The following LGR6 variants were observed in gnomAD, a reference collection of about 807,000 sequenced individuals.
LGR6 encodes leucine rich repeat containing G protein-coupled receptor 6.
Under a neutral mutation model 69.4 loss-of-function variants are expected in LGR6, and 45 were observed. The ratio of observed to expected loss-of-function variants is 0.65; its 90% confidence interval spans 0.51 to 0.83. LGR6 has a LOEUF of 0.83. Ranked by LOEUF, LGR6 falls within the 40% of genes least tolerant of loss-of-function variation. The pLI, the probability that LGR6 is intolerant of heterozygous loss-of-function variation, is 0.00. For synonymous variants in LGR6, 538 were observed against 555.0 expected (o/e 0.97, Z 0.43); for missense variants, 1,108 against 1,246.7 (o/e 0.89, Z 1.68).
chr1:202,264,158 T>C (rs1203197505), intron 4 of LGR6, among the ~76,000 whole-genome samples: 1 of 151,934 alleles, frequency 6.6e-6, no homozygotes, highest in South Asian at 2.1e-4. Context: ...GCCTGGGAGC[T>C]CTTGGGAATG....
chr1:202,215,920 CA>C (rs35567242), intron 1 of LGR6, among the ~76,000 whole-genome samples: 12,515 of 151,912 alleles, frequency 0.082, 694 homozygotes, highest in African/African-American at 0.14. Flanking sequence ...AGATCAGAGT[CA>C]AAAGGCCAAA....
intron 1 of LGR6, chr1:202,214,110 G>C: frequency 7.0e-7 from 1 of 1,430,484 alleles, no homozygotes; most frequent in Non-Finnish European, 9.1e-7. Flanking sequence ...GGAGGGTGGC[G>C]GGCACTGGAC....
chr1:202,316,703 TC>T (rs1329459529), intron 17 of LGR6, among the ~76,000 whole-genome samples: 5 of 152,178 alleles, frequency 3.3e-5, no homozygotes, highest in Non-Finnish European at 5.9e-5. Context: ...TTTCAAATTT[TC>T]TACAGTTATC....
intron 17 of LGR6, among the ~76,000 whole-genome samples, chr1:202,317,729 G>A (rs1654255714): frequency 6.6e-6 from 1 of 152,284 alleles, no homozygotes; most frequent in South Asian, 2.1e-4. Flanking sequence ...AGTCGTGTAT[G>A]TCCCACAGCT....
intron 9 of LGR6, among the ~76,000 whole-genome samples, chr1:202,301,723 A>C (rs1156917365): frequency 1.3e-5 from 2 of 152,138 alleles, no homozygotes; most frequent in Non-Finnish European, 2.9e-5. Context: ...CTTCTTCAAA[A>C]AGCTTCCATG....
intron 4 of LGR6, among the ~76,000 whole-genome samples, chr1:202,248,482 C>G (rs1246198662): frequency 3.9e-5 from 6 of 152,222 alleles, no homozygotes; most frequent in Non-Finnish European, 8.8e-5. Flanking sequence ...GCTTCCCTCC[C>G]CTCACCACCC....
At chr1:202,291,937 C>T (rs1367890374) in intron 6 of LGR6, among the ~76,000 whole-genome samples, 1 of 152,186 alleles carries the variant, frequency 6.6e-6, no homozygotes, top group East Asian at 1.9e-4. Context: ...GTGAGTGAAT[C>T]ATTCTGACTA....
rs113615156 is a variant in LGR6, at chr1:202,222,607, C to A, written c.213-2816C>A. Among the ~76,000 whole-genome samples, 242 of 152,302 alleles carry A rather than the reference C, an allele frequency of 1.6e-3. 2 individuals are homozygous for A. The highest frequency in any genetic ancestry group is 5.8e-3 in the African/African-American group (240 of 41,552). On this transcript the variant is annotated intron_variant, in intron 1 of 17. Transcript: ENST00000367278. The stretch of plus-strand genomic sequence containing the variant: ...ATCATTTTTTTTCGGCACCTCGAGC[C>A]TCCTGCCTCACTGAGAATGAGCCAG...
At chr1:202,310,140 A>T in intron 15 of LGR6, 57 bp from the exon 16 acceptor site, 1 of 1,577,398 alleles carries the variant, frequency 6.3e-7, no homozygotes, top group Non-Finnish European at 8.7e-7. Flanking sequence ...AATCAGACTT[A>T]GGTCTTAGAC....
chr1:202,318,974 C>T lies in LGR6; in HGVS notation c.2671C>T (p.Leu891=), dbSNP rs1422538826. The T allele has an allele frequency of 6.2e-7, 1 of 1,613,570 alleles. No homozygotes were observed. The highest frequency in any genetic ancestry group is 8.5e-7 in the Non-Finnish European group (1 of 1,179,772). The part of the protein sequence containing the change: ...EASEAGRPPG[L]ETYGFPSVTL... ...TTCTGAAGCTGGGCGGCCCCCTGGG[C>T]TGGAGACCTATGGCTTCCCCTCAGT... The change falls in exon 18 of 18, where the codon CTG becomes TTG. Residue 891 remains leucine, a synonymous_variant. Transcript: ENST00000367278.
chr1:202,252,657 A>C (rs1204931327), intron 4 of LGR6, among the ~76,000 whole-genome samples: 1 of 152,208 alleles, frequency 6.6e-6, no homozygotes, highest in Non-Finnish European at 1.5e-5. Context: ...CTGACAATAC[A>C]TAGCCTTTAG....
chr1:202,254,289 A>T (rs1198744299), intron 4 of LGR6, among the ~76,000 whole-genome samples: 1 of 152,134 alleles, frequency 6.6e-6, no homozygotes, highest in East Asian at 1.9e-4. Flanking sequence ...CTCCTACCAC[A>T]TCATCATTTT....
At chr1:202,194,234 T>C in intron 1 of LGR6, 33 bp downstream of exon 1, 6 of 1,475,196 alleles carry the variant, frequency 4.1e-6, no homozygotes, top group Non-Finnish European at 5.4e-6. Flanking sequence ...CGCCTGGTCC[T>C]GCGGGCTGCT....
At chr1:202,267,225 G>A (rs1361842746) in intron 4 of LGR6, among the ~76,000 whole-genome samples, 1 of 152,196 alleles carries the variant, frequency 6.6e-6, no homozygotes, top group African/African-American at 2.4e-5. Flanking sequence ...ACCCAAGATG[G>A]AGGGATGATG....
chr1:202,271,850 A>G (rs1487248170), intron 4 of LGR6, among the ~76,000 whole-genome samples: 1 of 151,112 alleles, frequency 6.6e-6, no homozygotes, highest in African/African-American at 2.4e-5. Context: ...AGAGAGGAGA[A>G]AGTTTAATAG....
intron 3 of LGR6, among the ~76,000 whole-genome samples, chr1:202,233,099 A>G (rs759895739): frequency 5.9e-5 from 9 of 152,206 alleles, no homozygotes; most frequent in Non-Finnish European, 7.3e-5. Flanking sequence ...CTGGCATAGG[A>G]TGAGTTGTCT....
At chr1:202,239,460 A>G (rs1054014507) in intron 4 of LGR6, among the ~76,000 whole-genome samples, 2 of 151,698 alleles carry the variant, frequency 1.3e-5, no homozygotes, top group African/African-American at 2.4e-5. Flanking sequence ...CCTGAAAAGT[A>G]GGGAGGACCT....
At chr1:202,278,551 C>G (rs1665766431) in intron 5 of LGR6, among the ~76,000 whole-genome samples, 1 of 152,090 alleles carries the variant, frequency 6.6e-6, no homozygotes, top group East Asian at 1.9e-4. Flanking sequence ...ATTACCCCTT[C>G]ATCCCTCACC....
intron 5 of LGR6, among the ~76,000 whole-genome samples, chr1:202,278,427 G>A (rs572067807): frequency 2.3e-4 from 35 of 152,202 alleles, no homozygotes; most frequent in African/African-American, 8.2e-4. Context: ...AGATTGAGGG[G>A]AAGGCCCACT....
Sources: gnomAD v4.1 joint callset for allele counts (sites outside exome capture counted in the v4.1 genomes callset) on GRCh38, gnomAD v4.1.1 for gene constraint, MANE v1.5 for transcripts, NCBI Gene and HGNC (gene_info 2026-07-23, HGNC 2026-07-21) for gene names.